Variants in AFF1 observed in about 807,000 individuals in gnomAD.
AFF1 encodes the protein ALF transcription elongation factor 1.
Under a neutral mutation model 121.7 loss-of-function variants are expected in AFF1, and 48 were observed. The ratio of observed to expected loss-of-function variants is 0.39; its 90% CI spans 0.31 to 0.50. AFF1 has a LOEUF of 0.50. Among genes scored for constraint, AFF1 ranks in the 20% least tolerant of loss-of-function variants. The pLI, the probability that AFF1 is intolerant of heterozygous loss-of-function variation, is 0.76. For missense variants in AFF1, 1,523 were observed against 1,511.7 expected, an observed-to-expected ratio of 1.01 and a Z score of -0.12; for synonymous variants, 613 against 563.0, an observed-to-expected ratio of 1.09 and a Z score of -1.26.
At chr4:86,965,015 G>A (rs2149472637) in intron 2 of AFF1, among the ~76,000 whole-genome samples, 1 of 152,304 alleles carries the variant, frequency 6.6e-6, no homozygotes, top group South Asian at 2.1e-4. Flanking sequence ...TGCTGTCATA[G>A]AGAGATGGAG....
intron 2 of AFF1, among the ~76,000 whole-genome samples, chr4:87,033,904 A>G (rs1017729935): frequency 6.6e-6 from 1 of 152,194 alleles, no homozygotes; most frequent in Admixed American, 6.5e-5. Context: ...ATCTCACTCA[A>G]CCAATATTCA....
At chr4:86,994,928 T>C (rs1724998042) in intron 2 of AFF1, among the ~76,000 whole-genome samples, 1 of 151,734 alleles carries the variant, frequency 6.6e-6, no homozygotes, top group African/African-American at 2.4e-5. Context: ...TTGGGAAGGG[T>C]GTTAGATATC....
At chr4:87,069,219 C>T (rs780716330) in intron 4 of AFF1, among the ~76,000 whole-genome samples, 7 of 151,240 alleles carry the variant, frequency 4.6e-5, no homozygotes, top group Non-Finnish European at 1.0e-4. Context: ...ATGTCCCCTC[C>T]CTCTGTATAA....
Position 86,942,532 on chromosome 4 carries a change from G to C in AFF1, c.-36-5966G>C, listed in dbSNP as rs181497324. 4.2e-3 allele frequency among the ~76,000 whole-genome samples: 635 copies of C among 152,322 alleles called. 8 individuals are homozygous for C. Among genetic ancestry groups the C allele is most frequent in the South Asian group, 3.7e-3 (18 of 4,828 alleles). ...CTGTTTGTTCTTGTTGTCACTAAAA[G>C]AACTTTAATTGCTAAGAGACTACAT... On this transcript the variant is annotated intron_variant, in intron 1 of 20. Transcript: ENST00000395146.
At chr4:87,052,528 T>G (rs1016523296) in intron 4 of AFF1, among the ~76,000 whole-genome samples, 8 of 151,762 alleles carry the variant, frequency 5.3e-5, no homozygotes, top group Non-Finnish European at 1.0e-4. Flanking sequence ...TAGGCAGGAG[T>G]AAGACCATGG....
chr4:87,069,199 G>C (rs77105648), intron 4 of AFF1, among the ~76,000 whole-genome samples: 1 of 150,700 alleles, frequency 6.6e-6, no homozygotes, highest in African/African-American at 2.4e-5. Context: ...ATAGGTATTC[G>C]TCCCTTCCCA....
intron 2 of AFF1, among the ~76,000 whole-genome samples, chr4:87,031,162 A>G (rs1204264350): frequency 6.6e-6 from 1 of 152,154 alleles, no homozygotes. Context: ...ACAGAGTATC[A>G]GGCATGCTTT....
intron 2 of AFF1, among the ~76,000 whole-genome samples, chr4:87,028,942 A>G (rs1728799853): frequency 6.6e-6 from 1 of 152,134 alleles, no homozygotes; most frequent in African/African-American, 2.4e-5. Context: ...CATCCTACAC[A>G]GGTGGGGTCT....
intron 7 of AFF1, among the ~76,000 whole-genome samples, chr4:87,094,684 G>A (rs915564420): frequency 3.9e-5 from 6 of 152,218 alleles, no homozygotes; most frequent in African/African-American, 1.4e-4. Context: ...GGCGTCATAG[G>A]TAGGGTATGC....
chr4:87,134,732 TTTGGA>T (rs1486149603), intron 20 of AFF1, 38 bp downstream of exon 20: 2 of 1,524,246 alleles, frequency 1.3e-6, no homozygotes, highest in Non-Finnish European at 1.8e-6. Context: ...TACTGGGGTG[TTTGGA>T]TTGGGAGGAA....
chr4:87,084,386 AC>A (rs1463536250), intron 5 of AFF1, among the ~76,000 whole-genome samples: 3 of 151,968 alleles, frequency 2.0e-5, no homozygotes, highest in Non-Finnish European at 4.4e-5. Context: ...TAAGAAAAAT[AC>A]AAAAAATTAG....
At chr4:86,950,978 A>G (rs1057351636) in intron 2 of AFF1, among the ~76,000 whole-genome samples, 2 of 152,184 alleles carry the variant, frequency 1.3e-5, no homozygotes, top group Non-Finnish European at 1.5e-5. Flanking sequence ...TCATTTTTGC[A>G]TTTAAATCAG....
intron 4 of AFF1, chr4:87,049,580 T>A: frequency 2.3e-6 from 1 of 431,930 alleles, no homozygotes; most frequent in South Asian, 1.6e-5. Flanking sequence ...GAATGGGGTT[T>A]TTTTTTTGGC....
At chr4:87,106,697 C>A (rs1157765393) in intron 10 of AFF1, among the ~76,000 whole-genome samples, 1 of 152,112 alleles carries the variant, frequency 6.6e-6, no homozygotes. Context: ...ATTTGAACTT[C>A]TTTTATAATA....
chr4:87,123,282 A>G (rs1727899030), intron 12 of AFF1, among the ~76,000 whole-genome samples: 1 of 152,132 alleles, frequency 6.6e-6, no homozygotes, highest in African/African-American at 2.4e-5. Flanking sequence ...ATACATCAGT[A>G]AAAAAATCAA....
At chr4:86,998,080 AAG>A (rs146133640) in intron 2 of AFF1, among the ~76,000 whole-genome samples, 5,339 of 143,610 alleles carry the variant, frequency 0.037, 138 homozygotes, top group Middle Eastern at 0.088. Flanking sequence ...CCTAGGCAAT[AAG>A]AGCGAAACTC....
In AFF1 at chr4:87,013,032, C is replaced by CT. The variant is rs61071328; in HGVS notation, c.39-33108dup. Among the ~76,000 whole-genome samples, 182 of 93,476 alleles carry CT rather than the reference C, an allele frequency of 1.9e-3. 16 individuals carry two copies. The highest frequency in any genetic ancestry group is 6.8e-3 in the African/African-American group (158 of 23,246). 61.3% of individuals were successfully genotyped at this position (93,476 alleles called of 152,430 possible). On this transcript the variant is annotated intron_variant, in intron 2 of 20. Transcript: ENST00000395146. The stretch of plus-strand genomic sequence containing the variant: ...AACCAGATTGAACTGCTATCAAGTT[C>CT]TTTTTTTTTTTTTTTTTTTTTTTTT...
chr4:86,947,105 G>A (rs979447408), intron 1 of AFF1, among the ~76,000 whole-genome samples: 4 of 152,212 alleles, frequency 2.6e-5, no homozygotes, highest in African/African-American at 9.7e-5. Context: ...GAGAAAGTGA[G>A]CGATAGTAAG....
At chr4:87,084,280 T>G (rs1012454238) in intron 5 of AFF1, 116 bp downstream of exon 5, 14 of 1,119,738 alleles carry the variant, frequency 1.3e-5, no homozygotes, top group Non-Finnish European at 1.7e-5. Flanking sequence ...GGCTCATGCC[T>G]GTAATCCTAG....
Sources: allele counts gnomAD v4.1 joint callset (sites outside exome capture counted in the v4.1 genomes callset), GRCh38; gene constraint gnomAD v4.1.1; transcripts MANE v1.5; gene names NCBI Gene and HGNC (gene_info 2026-07-23, HGNC 2026-07-21).